LTBP1: variants seen among roughly 807,000 people sequenced by gnomAD.
The protein encoded by LTBP1 is latent transforming growth factor beta binding protein 1.
LTBP1 carries 129 observed loss-of-function variants against 207.6 expected under a neutral mutation model. The ratio of observed to expected loss-of-function variants is 0.62; its 90% CI spans 0.54 to 0.72. The LOEUF (loss-of-function observed/expected upper bound fraction) is 0.72, where lower values mean the gene tolerates loss of function less well. LTBP1 is among the 30% of genes least tolerant of loss of function. The probability of loss-of-function intolerance (pLI) is 0.00; values close to 1 mark genes in which losing one functional copy is unlikely to be tolerated. For missense variants in LTBP1, 2,281 were observed against 2,217.2 expected, an observed-to-expected ratio of 1.03 and a Z score of -0.58; for synonymous variants, 963 against 833.7, an observed-to-expected ratio of 1.16 and a Z score of -2.67.
At chr2:33,181,684 A>T (rs1414921754) in intron 5 of LTBP1, among the ~76,000 whole-genome samples, 1 of 152,256 alleles carries the variant, frequency 6.6e-6, no homozygotes, top group African/African-American at 2.4e-5. Flanking sequence ...CTCAGCCAGC[A>T]TTCTGCAGTT....
intron 19 of LTBP1, among the ~76,000 whole-genome samples, chr2:33,280,771 T>G (rs191187516): frequency 2.0e-5 from 3 of 152,294 alleles, no homozygotes; most frequent in Admixed American, 2.0e-4. Flanking sequence ...CCTCAAATGC[T>G]TAAGAACTTA....
chr2:33,233,306 C>T (rs1253527877), intron 9 of LTBP1, among the ~76,000 whole-genome samples: 1 of 152,072 alleles, frequency 6.6e-6, no homozygotes, highest in Non-Finnish European at 1.5e-5. Flanking sequence ...CCCATCTAGG[C>T]TTTATCTCAT....
intron 3 of LTBP1, among the ~76,000 whole-genome samples, chr2:33,104,792 A>G (rs1416875048): frequency 6.6e-6 from 1 of 152,084 alleles, no homozygotes; most frequent in Non-Finnish European, 1.5e-5. Context: ...TTAGAGATCC[A>G]CCCTGCATTT....
intron 2 of LTBP1, among the ~76,000 whole-genome samples, chr2:32,959,081 G>C (rs1678569193): frequency 6.6e-6 from 1 of 152,136 alleles, no homozygotes; most frequent in South Asian, 2.1e-4. Context: ...AATATTGTTG[G>C]CATGGACATA....
At position 33,188,639 on chromosome 2, in the gene LTBP1, A is replaced by G. The variant is rs2087481332; in HGVS notation, c.1489A>G (p.Ile497Val). ...ACATCCTCCTGAAGCTTCCGTCCAG[A>G]TACATCAGGTTTCAAGAATTGATGG... Reference protein sequence around the residue: ...VKHPPEASVQIHQVSRIDGPT... With the variant: ...VKHPPEASVQVHQVSRIDGPT... The change falls in exon 7 of 34, where the codon ATA becomes GTA. Residue 497 changes from isoleucine to valine, a missense_variant. Around this residue, in one of 3 missense-constraint regions of LTBP1, gnomAD observed 1,671 missense variants for 1,634.8 expected, o/e 1.02. Coordinates refer to ENST00000404816, the MANE Select transcript of LTBP1 (RefSeq NM_206943.4). 6.2e-7 allele frequency: 1 copy of G among 1,614,118 alleles called. No homozygotes were observed.
chr2:33,029,974 A>T (rs767602896), intron 3 of LTBP1, among the ~76,000 whole-genome samples: 1 of 152,112 alleles, frequency 6.6e-6, no homozygotes, highest in Non-Finnish European at 1.5e-5. Flanking sequence ...GCTGTTCCCA[A>T]ATGTTTAGAA....
chr2:33,393,670 T>A (rs1221584457), intron 32 of LTBP1, among the ~76,000 whole-genome samples: 1 of 152,192 alleles, frequency 6.6e-6, no homozygotes, highest in Non-Finnish European at 1.5e-5. Context: ...ATGTGCCACA[T>A]TTTCTTAATC....
chr2:33,158,918 A>G (rs1431892216), intron 5 of LTBP1, among the ~76,000 whole-genome samples: 5 of 152,186 alleles, frequency 3.3e-5, no homozygotes, highest in Non-Finnish European at 4.4e-5. Flanking sequence ...CTTTTCTGTG[A>G]TACTGTTGAC....
chr2:33,135,755 T>C (rs1304433885), intron 5 of LTBP1, among the ~76,000 whole-genome samples: 1 of 152,370 alleles, frequency 6.6e-6, no homozygotes, highest in Non-Finnish European at 1.5e-5. Flanking sequence ...TGTTGCCATG[T>C]TGTCATGCAA....
At chr2:33,335,277 T>C (rs929511252) in intron 24 of LTBP1, among the ~76,000 whole-genome samples, 3 of 152,188 alleles carry the variant, frequency 2.0e-5, no homozygotes, top group African/African-American at 7.2e-5. Context: ...TCATTTCTTA[T>C]TGCTTATCTT....
intron 22 of LTBP1, among the ~76,000 whole-genome samples, chr2:33,302,305 G>A (rs12992082): frequency 6.6e-6 from 1 of 152,276 alleles, no homozygotes; most frequent in East Asian, 1.9e-4. Flanking sequence ...CCCACCTGAG[G>A]TTTCACTGCA....
At chr2:33,050,109 G>T (rs992719215) in intron 3 of LTBP1, among the ~76,000 whole-genome samples, 35 of 150,712 alleles carry the variant, frequency 2.3e-4, no homozygotes, top group African/African-American at 8.6e-4. Context: ...CTCCCAAAGT[G>T]CTGGGATTAT....
intron 28 of LTBP1, among the ~76,000 whole-genome samples, chr2:33,361,918 T>C (rs949254943): frequency 6.6e-6 from 1 of 152,216 alleles, no homozygotes; most frequent in Non-Finnish European, 1.5e-5. Context: ...TTTGTCTTTA[T>C]GGTCATCAAC....
chr2:33,113,130 G>A (rs974685936), intron 4 of LTBP1, among the ~76,000 whole-genome samples: 3 of 152,060 alleles, frequency 2.0e-5, no homozygotes, highest in Admixed American at 6.6e-5. Context: ...CTAGAGAAGC[G>A]GTTGAAAACT....
chr2:33,228,694 ACC>A (rs1491180104), intron 9 of LTBP1, among the ~76,000 whole-genome samples: 1,022 of 58,972 alleles, frequency 0.017, 148 homozygotes, highest in Non-Finnish European at 0.023. Context: ...CCAGGGTTAT[ACC>A]CTTTTTTTTT....
At chr2:32,951,472 C>T (rs1035833273) in intron 2 of LTBP1, among the ~76,000 whole-genome samples, 1 of 152,216 alleles carries the variant, frequency 6.6e-6, no homozygotes, top group African/African-American at 2.4e-5. Flanking sequence ...CTTCTACCTT[C>T]AGATGGGACC....
intron 11 of LTBP1, 74 bp downstream of exon 11, chr2:33,252,918 G>T: frequency 2.4e-6 from 3 of 1,274,694 alleles, no homozygotes; most frequent in Non-Finnish European, 3.1e-6. Flanking sequence ...TGGCACCTTG[G>T]GTCATTTGTG....
chr2:33,178,702 T>C (rs1220607497), intron 5 of LTBP1, among the ~76,000 whole-genome samples: 1 of 152,182 alleles, frequency 6.6e-6, no homozygotes, highest in Non-Finnish European at 1.5e-5. Flanking sequence ...CCTATTTGCT[T>C]GAATGAACTA....
At chr2:32,983,415 A>G (rs1426152568) in intron 2 of LTBP1, among the ~76,000 whole-genome samples, 1 of 152,066 alleles carries the variant, frequency 6.6e-6, no homozygotes, top group Non-Finnish European at 1.5e-5. Context: ...TGGACTGTGG[A>G]CTTTTGAGTT....
Sources: gnomAD v4.1 joint callset for allele counts (sites outside exome capture counted in the v4.1 genomes callset) on GRCh38, gnomAD v4.1.1 for gene constraint, gnomAD v4.1.1 regional missense constraint, MANE v1.5 for transcripts, NCBI Gene and HGNC (gene_info 2026-07-23, HGNC 2026-07-21) for gene names.